The following MTMR2 variants were observed in gnomAD, a reference collection of about 807,000 sequenced individuals.
MTMR2 encodes phosphatidylinositol-3,5-bisphosphate 3-phosphatase MTMR2.
In MTMR2, 55 loss-of-function variants were observed where a neutral mutation model predicts 86.9. The observed-to-expected ratio is 0.63, with a 90% CI of 0.51 to 0.79. MTMR2 has a LOEUF of 0.79. Among genes scored for constraint, MTMR2 ranks in the 30% least tolerant of loss-of-function variants. The pLI, the probability that MTMR2 is intolerant of heterozygous loss-of-function variation, is 0.00. For missense variants in MTMR2, 659 were observed against 772.3 expected, an observed-to-expected ratio of 0.85 and a Z score of 1.74; for synonymous variants, 241 against 266.8, an observed-to-expected ratio of 0.90 and a Z score of 0.94.
At chr11:95,859,139 TCTCTTCCTAAGTCCCCTG>T (rs1362598999) in intron 5 of MTMR2, among the ~76,000 whole-genome samples, 1 of 152,172 alleles carries the variant, frequency 6.6e-6, no homozygotes, top group Non-Finnish European at 1.5e-5. Flanking sequence ...CATTGGACCT[TCTCTTCCTAAGTCCCCTG>T]CTACTAGTAG....
intron 11 of MTMR2, among the ~76,000 whole-genome samples, chr11:95,842,128 A>G (rs186390051): frequency 1.3e-5 from 2 of 152,332 alleles, no homozygotes; most frequent in East Asian, 1.9e-4. Flanking sequence ...TTTAAAGAGC[A>G]TTGCAAAGTA....
intron 1 of MTMR2, among the ~76,000 whole-genome samples, chr11:95,920,670 T>C (rs1866887262): frequency 1.3e-5 from 2 of 150,566 alleles, no homozygotes; most frequent in South Asian, 2.1e-4. Context: ...GTAAGACTCA[T>C]CACATGTTTA....
At chr11:95,878,905 G>A (rs542773928) in intron 2 of MTMR2, among the ~76,000 whole-genome samples, 7 of 152,154 alleles carry the variant, frequency 4.6e-5, no homozygotes, top group African/African-American at 1.4e-4. Context: ...CCCAGTTTAT[G>A]TACTGTTTTT....
chr11:95,837,501 G>A (rs896987199), intron 13 of MTMR2, among the ~76,000 whole-genome samples: 2 of 151,954 alleles, frequency 1.3e-5, no homozygotes, highest in Admixed American at 1.3e-4. Context: ...TTTTGATAAA[G>A]AAGTAAAACT....
chr11:95,916,073 TC>T (rs1295908708), intron 1 of MTMR2, among the ~76,000 whole-genome samples: 1 of 152,180 alleles, frequency 6.6e-6, no homozygotes, highest in Non-Finnish European at 1.5e-5. Context: ...CTCCTCTCTT[TC>T]AGTGTGTTTT....
chr11:95,852,305 T>C (rs1461912056), intron 7 of MTMR2, among the ~76,000 whole-genome samples: 2 of 152,230 alleles, frequency 1.3e-5, no homozygotes, highest in Non-Finnish European at 2.9e-5. Context: ...GCATTCCAAA[T>C]CTATCCTTTT....
At chr11:95,841,555 TC>T in intron 12 of MTMR2, 61 bp downstream of exon 12, 1 of 1,217,116 alleles carries the variant, frequency 8.2e-7, no homozygotes. Context: ...TGACCAAATC[TC>T]CCCACTCTGA....
At chr11:95,910,042 C>A (rs1866435075) in intron 1 of MTMR2, among the ~76,000 whole-genome samples, 1 of 151,796 alleles carries the variant, frequency 6.6e-6, no homozygotes, top group Non-Finnish European at 1.5e-5. Context: ...TTTTAGTTAA[C>A]TGATGAATCA....
At chr11:95,851,037 G>C (rs1186069672) in intron 7 of MTMR2, among the ~76,000 whole-genome samples, 1 of 143,910 alleles carries the variant, frequency 6.9e-6, no homozygotes, top group Non-Finnish European at 1.5e-5. Context: ...GAAGGAAACA[G>C]TAAGACTTCA....
At chr11:95,878,539 C>G (rs1263002825) in intron 2 of MTMR2, among the ~76,000 whole-genome samples, 1 of 152,068 alleles carries the variant, frequency 6.6e-6, no homozygotes. Context: ...AATTCCTTCA[C>G]TTTTCTGCAA....
Position 95,834,940 on chromosome 11 carries a change from AC to A in MTMR2, c.*349del. ...ACTGATGTTCCTCTGCACAGTGAGC[AC>A]AGAGTGTATTTCTAAAATGGTTTTA... On this transcript the variant is annotated 3_prime_UTR_variant, in exon 15 of 15. Coordinates refer to ENST00000346299, the MANE Select transcript of MTMR2 (RefSeq NM_016156.6). 3.1e-6 allele frequency: 1 copy of A among 325,914 alleles called. No individual in the cohort carries two copies. Among genetic ancestry groups the A allele is most frequent in the Non-Finnish European group, 6.0e-6 (1 of 167,458 alleles). The allele number at this position is 325,914 out of a possible 1,614,324, so 20.2% of individuals were successfully genotyped here. A position where few individuals can be genotyped will look rare whatever the true frequency, so the allele number is the denominator to read the frequency against.
intron 2 of MTMR2, among the ~76,000 whole-genome samples, chr11:95,882,889 A>ATT (rs776661875): frequency 0.014 from 1,071 of 75,966 alleles, 67 homozygotes; most frequent in Non-Finnish European, 0.018. Context: ...CATCCAGCTA[A>ATT]TTTTTTTTTT....
chr11:95,898,072 A>T (rs1865939594), intron 1 of MTMR2, among the ~76,000 whole-genome samples: 1 of 151,966 alleles, frequency 6.6e-6, no homozygotes, highest in Non-Finnish European at 1.5e-5. Flanking sequence ...TTCAAATACT[A>T]CATATGGTTT....
In MTMR2 at chr11:95,906,174, G is replaced by A. The variant is rs529454739; in HGVS notation, c.80+17701C>T. Among the ~76,000 whole-genome samples the A allele has an allele frequency of 1.5e-4, 23 of 152,286 alleles. No individual in the cohort carries two copies. The East Asian group carries it at 3.5e-3, about 23-fold the overall frequency. Reference sequence around the variant, plus strand: ...CAGGAGGCAGAGGTTGCAGTGAGCCGAGATAGTGCCATTACACTCCAGCCT... The same window carrying A: ...CAGGAGGCAGAGGTTGCAGTGAGCCAAGATAGTGCCATTACACTCCAGCCT... On this transcript the variant is annotated intron_variant, in intron 1 of 14. Coordinates refer to ENST00000346299, the MANE Select transcript of MTMR2 (RefSeq NM_016156.6).
chr11:95,921,987 A>G lies in MTMR2; in HGVS notation c.80+1888T>C, dbSNP rs138652999. ...GTATATTAGTTTGTAATAATAAAGG[A>G]CACTTATTTCGTGTAATTGCAAAAA... is the stretch of plus-strand genomic sequence containing the variant. On this transcript the variant is annotated intron_variant, in intron 1 of 14. Coordinates refer to ENST00000346299, the MANE Select transcript of MTMR2 (RefSeq NM_016156.6). Among the ~76,000 whole-genome samples the G allele has an allele frequency of 6.5e-3, 984 of 152,306 alleles. 12 individuals carry two copies. Among genetic ancestry groups the G allele is most frequent in the African/African-American group, 0.022 (931 of 41,566 alleles).
At chr11:95,876,668 A>T (rs1019800337) in intron 2 of MTMR2, among the ~76,000 whole-genome samples, 3 of 152,016 alleles carry the variant, frequency 2.0e-5, no homozygotes, top group Non-Finnish European at 4.4e-5. Context: ...CAAATTTATA[A>T]TTTTTTTTAT....
chr11:95,847,935 G>T, intron 9 of MTMR2, 36 bp from the exon 10 acceptor site: 1 of 1,544,552 alleles, frequency 6.5e-7, no homozygotes, highest in Non-Finnish European at 8.9e-7. Flanking sequence ...AATCATAAAT[G>T]AATGCACATC....
At chr11:95,913,742 GGAAGGGAAAGA>G (rs931128252) in intron 1 of MTMR2, among the ~76,000 whole-genome samples, 1 of 151,916 alleles carries the variant, frequency 6.6e-6, no homozygotes, top group African/African-American at 2.4e-5. Flanking sequence ...CAGAAAGAAA[GGAAGGGAAAGA>G]GGAGGGGAAA....
intron 1 of MTMR2, chr11:95,912,857 G>A (rs1190750879): frequency 2.0e-5 from 3 of 151,916 alleles, no homozygotes; most frequent in Non-Finnish European, 4.4e-5. Context: ...TACAAATGAA[G>A]AAAAGTTTTA....
Sources: gnomAD v4.1 joint callset for allele counts (sites outside exome capture counted in the v4.1 genomes callset) on GRCh38, gnomAD v4.1.1 for gene constraint, MANE v1.5 for transcripts, NCBI Gene and HGNC (gene_info 2026-07-23, HGNC 2026-07-21) for gene names.